ANAPC7: variants seen among roughly 807,000 people sequenced by gnomAD.
ANAPC7 encodes anaphase-promoting complex subunit 7.
Under a neutral mutation model 63.3 loss-of-function variants are expected in ANAPC7, and 25 were observed. The ratio of observed to expected loss-of-function variants is 0.39; its 90% CI spans 0.29 to 0.55. The LOEUF is 0.55. Among genes scored for constraint, ANAPC7 ranks in the 20% least tolerant of loss-of-function variants. ANAPC7 has a pLI of 0.57. For missense variants in ANAPC7, 516 were observed against 691.7 expected (o/e 0.75, Z 2.85); for synonymous variants, 241 against 251.7 (o/e 0.96, Z 0.40).
intron 5 of ANAPC7, chr12:110,387,214 G>GGA (rs143586209): frequency 0.028 from 1,622 of 57,650 alleles, 72 homozygotes; most frequent in East Asian, 0.094. Context: ...CTCTAGCCTG[G>GGA]GAGAGAGAGA....
chr12:110,400,537 G>C (rs943281045), intron 1 of ANAPC7, among the ~76,000 whole-genome samples: 4 of 152,208 alleles, frequency 2.6e-5, no homozygotes, highest in African/African-American at 9.6e-5. Flanking sequence ...CGTCTAGCCA[G>C]AGAATTAAAC....
intron 3 of ANAPC7, 151 bp from the exon 4 acceptor site, chr12:110,388,774 C>A: frequency 1.6e-6 from 1 of 631,644 alleles, no homozygotes; most frequent in Admixed American, 2.9e-5. Context: ...AGACTGACCC[C>A]ATTCTTCAAA....
At chr12:110,385,274 C>G (rs1566266913) in intron 6 of ANAPC7, among the ~76,000 whole-genome samples, 1 of 152,130 alleles carries the variant, frequency 6.6e-6, no homozygotes, top group Non-Finnish European at 1.5e-5. Context: ...CTCAAACAAA[C>G]AAATAAAAAA....
intron 3 of ANAPC7, among the ~76,000 whole-genome samples, chr12:110,394,133 AC>A (rs1327149010): frequency 6.6e-6 from 1 of 151,730 alleles, no homozygotes; most frequent in African/African-American, 2.4e-5. Flanking sequence ...CCGAGATCGC[AC>A]CACTGCACTC....
chr12:110,376,577 A>AAAAAAAG (rs1881298637), intron 9 of ANAPC7, among the ~76,000 whole-genome samples: 1 of 150,900 alleles, frequency 6.6e-6, no homozygotes, highest in Admixed American at 6.6e-5. Flanking sequence ...TCAAAAAAAA[A>AAAAAAAG]AAAAAAAAAG....
chr12:110,380,725 C>T (rs1409055439), intron 8 of ANAPC7, among the ~76,000 whole-genome samples: 5 of 149,546 alleles, frequency 3.3e-5, no homozygotes, highest in East Asian at 3.9e-4. Flanking sequence ...GAGGCCGAGG[C>T]GGGCGGATCA....
chr12:110,388,486 T>G (rs1157376412), intron 4 of ANAPC7, 26 bp downstream of exon 4: 1 of 1,555,226 alleles, frequency 6.4e-7, no homozygotes, highest in Admixed American at 1.7e-5. Context: ...AAACATGCCA[T>G]GAAAACAGGC....
At position 110,383,875 on chromosome 12, in the gene ANAPC7, CAAAAAAA is replaced by C. The variant is rs1159374781; in HGVS notation, c.818-922_818-916del. On this transcript the variant is annotated intron_variant, in intron 6 of 10. Transcript: ENST00000455511. ...TTGGCTACAGAGCGAGACTCCGTCTCAAAAAAAAAAAAAAAAAAAAAAAGAAAAAAAA... is the reference window on the plus strand; with the variant it reads ...TTGGCTACAGAGCGAGACTCCGTCTCAAAAAAAAAAAAAAAAGAAAAAAAA... 1.0e-3 allele frequency among the ~76,000 whole-genome samples: 53 copies of C among 50,688 alleles called. 1 individual carries two copies. Among genetic ancestry groups the C allele is most frequent in the South Asian group, 5.1e-3 (6 of 1,166 alleles). 33.3% of individuals were successfully genotyped at this position (50,688 alleles called of 152,430 possible).
intron 4 of ANAPC7, 64 bp from the exon 5 acceptor site, chr12:110,387,956 G>A (rs952031061): frequency 7.0e-6 from 11 of 1,564,506 alleles, no homozygotes; most frequent in South Asian, 2.3e-5. Flanking sequence ...CATGCAAGGA[G>A]CAACGGGCTA....
At chr12:110,397,275 C>T (rs1363680616) in intron 1 of ANAPC7, among the ~76,000 whole-genome samples, 1 of 151,858 alleles carries the variant, frequency 6.6e-6, no homozygotes, top group African/African-American at 2.4e-5. Flanking sequence ...TAAAGAAAGG[C>T]CAGGCGCGGT....
chr12:110,382,790 A>G, intron 7 of ANAPC7, 53 bp downstream of exon 7: 1 of 1,424,698 alleles, frequency 7.0e-7, no homozygotes, highest in South Asian at 1.2e-5. Context: ...AAGAGCAACC[A>G]TTATCTCTTA....
chr12:110,398,833 T>C (rs896851380), intron 1 of ANAPC7, among the ~76,000 whole-genome samples: 1 of 151,794 alleles, frequency 6.6e-6, no homozygotes, highest in Non-Finnish European at 1.5e-5. Context: ...TAATCCCAGC[T>C]ATTCGGGAGG....
intron 6 of ANAPC7, 21 bp from the exon 7 acceptor site, chr12:110,382,981 G>A (rs773023079): frequency 1.9e-6 from 3 of 1,584,580 alleles, no homozygotes; most frequent in South Asian, 1.1e-5. Flanking sequence ...AGGACATAGT[G>A]AGAAGAGGTG....
chr12:110,403,702 C>T lies in ANAPC7; in HGVS notation c.-75G>A. On this transcript the variant is annotated 5_prime_UTR_variant, in exon 1 of 11. Transcript: ENST00000455511. ...CGGTAGAGGATCCTTAGGGAAGACTCCAAAATGGCGGCGTCGCCGGGGTCC... is the reference window on the plus strand; with the variant it reads ...CGGTAGAGGATCCTTAGGGAAGACTTCAAAATGGCGGCGTCGCCGGGGTCC... The T allele has an allele frequency of 6.4e-7, 1 of 1,551,968 alleles. No individual in the cohort carries two copies. The highest frequency in any genetic ancestry group is 8.7e-7 in the Non-Finnish European group (1 of 1,147,382).
intron 3 of ANAPC7, among the ~76,000 whole-genome samples, chr12:110,389,402 A>T (rs992674969): frequency 2.6e-5 from 4 of 152,122 alleles, no homozygotes; most frequent in Non-Finnish European, 5.9e-5. Context: ...ACAGATAAAG[A>T]AGTATAATAC....
chr12:110,400,726 T>C (rs1035922873), intron 1 of ANAPC7, among the ~76,000 whole-genome samples: 6 of 151,584 alleles, frequency 4.0e-5, no homozygotes, highest in African/African-American at 1.2e-4. Flanking sequence ...GGTGGCAAAA[T>C]GTGGGTCTCA....
At chr12:110,391,385 C>T (rs1160004241) in intron 3 of ANAPC7, among the ~76,000 whole-genome samples, 2 of 152,084 alleles carry the variant, frequency 1.3e-5, no homozygotes, top group Non-Finnish European at 2.9e-5. Flanking sequence ...TGGAATTTTC[C>T]TTTAAAATGT....
At chr12:110,382,450 AAAAAAAAAAAAATATATATATATATAT>A (rs1881956593) in intron 7 of ANAPC7, among the ~76,000 whole-genome samples, 1 of 81,180 alleles carries the variant, frequency 1.2e-5, no homozygotes, top group African/African-American at 5.6e-5. Context: ...TTAAAAAAAA[AAAAAAAAAAAAATATATATATATATAT>A]ATATATATAT....
chr12:110,391,911 G>C (rs997761634), intron 3 of ANAPC7, among the ~76,000 whole-genome samples: 4 of 152,066 alleles, frequency 2.6e-5, no homozygotes, highest in Non-Finnish European at 4.4e-5. Context: ...GGCCAACATG[G>C]TGAAACCCCG....
Sources: gnomAD v4.1 joint callset for allele counts (sites outside exome capture counted in the v4.1 genomes callset) on GRCh38, gnomAD v4.1.1 for gene constraint, MANE v1.5 for transcripts, NCBI Gene and HGNC (gene_info 2026-07-23, HGNC 2026-07-21) for gene names.